Variants in MANF observed in about 807,000 individuals in gnomAD.
MANF encodes the protein mesencephalic astrocyte derived neurotrophic factor.
A neutral mutation model predicts 19.1 loss-of-function variants in MANF; 9 were observed. That is an observed-to-expected ratio of 0.47 (90% CI 0.28 to 0.82). The LOEUF (loss-of-function observed/expected upper bound fraction) is 0.82, where lower values mean the gene tolerates loss of function less well. Ranked by LOEUF, MANF falls within the 40% of genes least tolerant of loss-of-function variation. The pLI, the probability that MANF is intolerant of heterozygous loss-of-function variation, is 0.10. For missense variants in MANF, 225 were observed against 226.7 expected (o/e 0.99, Z 0.05); for synonymous variants, 89 against 88.0 (o/e 1.01, Z -0.06).
At position 51,386,304 on chromosome 3, in the gene MANF, G is replaced by A; in HGVS notation, c.191G>A (p.Cys64Tyr). 1.2e-6 allele frequency: 2 copies of A among 1,613,924 alleles called. No homozygotes were observed. The highest frequency in any genetic ancestry group is 8.5e-7 in the Non-Finnish European group (1 of 1,179,870). ...ATTGAAAACGAACTTATAAAGTTCT[G>A]CCGGGAAGCAAGAGGCAAAGAGAAT... ...ATIENELIKF[C>Y]REARGKENRL... is the part of the protein sequence containing the mutation. Residue 64 changes from cysteine to tyrosine, a missense_variant, in exon 2 of 4, where the codon TGC (cysteine) becomes TAC (tyrosine). By Grantham distance (194) the Cys-to-Tyr change is radical. Transcript: ENST00000528157.
At chr3:51,387,181 G>A (rs943583356) in intron 2 of MANF, 7 of 322,756 alleles carry the variant, frequency 2.2e-5, no homozygotes, top group Non-Finnish European at 4.3e-5. Context: ...TAGGCTAGGC[G>A]TGGTGGCTCA....
At position 51,389,248 on chromosome 3, in the gene MANF, C is replaced by G; in HGVS notation, c.*159C>G. ...TGATGATGCTGGCCCTACAGTACCC[C>G]CATGAGGGGATTCCCTTCCTTCTGT... On this transcript the variant is annotated 3_prime_UTR_variant, in exon 4 of 4. Transcript: ENST00000528157. 1.7e-6 allele frequency: 1 copy of G among 595,850 alleles called. No homozygotes were observed. Among genetic ancestry groups the G allele is most frequent in the Non-Finnish European group, 2.8e-6 (1 of 351,282 alleles). The allele number at this position is 595,850 out of a possible 1,614,324, so 36.9% of individuals were successfully genotyped here. A position where few individuals can be genotyped will look rare whatever the true frequency, so the allele number is the denominator to read the frequency against.
In MANF at chr3:51,385,325, AGG is replaced by A; in HGVS notation, c.-17_-16del. The A allele has an allele frequency of 8.3e-7, 1 of 1,207,330 alleles. No homozygotes were observed. Among genetic ancestry groups the A allele is most frequent in the Non-Finnish European group, 1.0e-6 (1 of 963,694 alleles). 74.8% of individuals were successfully genotyped at this position (1,207,330 alleles called of 1,614,324 possible). A position where few individuals can be genotyped will look rare whatever the true frequency, so the allele number is the denominator to read the frequency against. On this transcript the variant is annotated 5_prime_UTR_variant, in exon 1 of 4. Transcript: ENST00000528157. Reference sequence around the variant, plus strand: ...GCGGCGGCAGCGGAGGAGGAGGAGGAGGAGGAGGATGAGGAGGATGAGGAGGA... The same window carrying A: ...GCGGCGGCAGCGGAGGAGGAGGAGGAAGGAGGATGAGGAGGATGAGGAGGA...
Position 51,389,285 on chromosome 3 carries a change from T to G in MANF, c.*196T>G. ...TCCCTTCCTTCTGTTGCTGGTGTAC[T>G]CTAGGACTTCAAAGTGTGTCTGGGA... On this transcript the variant is annotated 3_prime_UTR_variant, in exon 4 of 4. Transcript: ENST00000528157. 1.9e-6 allele frequency: 1 copy of G among 512,966 alleles called. No individual in the cohort carries two copies. The allele number at this position is 512,966 out of a possible 1,614,324, so 31.8% of individuals were successfully genotyped here. A position where few individuals can be genotyped will look rare whatever the true frequency, so the allele number is the denominator to read the frequency against.
chr3:51,386,635 A>T (rs1289104070), intron 2 of MANF, among the ~76,000 whole-genome samples: 1 of 152,234 alleles, frequency 6.6e-6, no homozygotes, highest in Non-Finnish European at 1.5e-5. Flanking sequence ...TCTGGGTGTC[A>T]TGAAGAAAAT....
At chr3:51,385,661 G>A (rs1553620777) in intron 1 of MANF, 1 of 374,104 alleles carries the variant, frequency 2.7e-6, no homozygotes, top group African/African-American at 2.1e-5. Context: ...GTTGAGACTA[G>A]ATCCCGTTGA....
At chr3:51,386,442 C>A in intron 2 of MANF, 107 bp downstream of exon 2, 1 of 1,226,620 alleles carries the variant, frequency 8.2e-7, no homozygotes, top group Non-Finnish European at 1.2e-6. Context: ...AGGAAGCCAG[C>A]TACTCTCTCC....
chr3:51,386,108 C>T, intron 1 of MANF, 100 bp from the exon 2 acceptor site: 1 of 1,278,378 alleles, frequency 7.8e-7, no homozygotes, highest in Non-Finnish European at 1.1e-6. Context: ...TCTAATGATT[C>T]ATCTCCGTGT....
chr3:51,386,980 G>C (rs2088968419), intron 2 of MANF: 5 of 456,538 alleles, frequency 1.1e-5, no homozygotes, highest in South Asian at 6.2e-5. Flanking sequence ...TAAGAGTCCA[G>C]GGTTTACACT....
In MANF at chr3:51,386,243, C is replaced by G. The variant is rs782545417; in HGVS notation, c.130C>G (p.Leu44Val). The change falls in exon 2 of 4, where the codon CTC becomes GTC. Residue 44 changes from leucine to valine, a missense_variant. Transcript: ENST00000528157. ...ISYLGRFYQDLKDRDVTFSPA... is the reference protein window; with the variant it reads ...ISYLGRFYQDVKDRDVTFSPA... ...TTATCTGGGAAGATTTTACCAGGAC[C>G]TCAAAGACAGAGATGTCACATTCTC... The G allele has an allele frequency of 6.2e-7, 1 of 1,613,724 alleles. No individual in the cohort carries two copies. The highest frequency in any genetic ancestry group is 2.2e-5 in the East Asian group (1 of 44,886).
intron 2 of MANF, among the ~76,000 whole-genome samples, chr3:51,387,336 A>C (rs1577016680): frequency 1.3e-5 from 2 of 152,276 alleles, no homozygotes; most frequent in East Asian, 3.9e-4. Context: ...GGCGCCTGTA[A>C]TCCCAGCTGC....
intron 2 of MANF, chr3:51,386,842 CT>C (rs1215233903): frequency 2.2e-6 from 1 of 456,730 alleles, no homozygotes; most frequent in Admixed American, 2.3e-5. Flanking sequence ...GACAAAAGCC[CT>C]AGTGAAGCAA....
At position 51,388,894 on chromosome 3, in the gene MANF, C is replaced by G. The variant is rs782003631; in HGVS notation, c.365-11C>G. On this transcript the variant is annotated splice_polypyrimidine_tract_variant and intron_variant, in intron 3 of 3. Transcript: ENST00000528157. Reference sequence around the variant, plus strand: ...CACCCAGTCAGTGACTCTCCCTGCTCTCTCCTCCAGACAAGCAGATCGACC... The same window carrying G: ...CACCCAGTCAGTGACTCTCCCTGCTGTCTCCTCCAGACAAGCAGATCGACC... 6.4e-6 allele frequency: 10 copies of G among 1,553,934 alleles called. No individual in the cohort carries two copies. Among genetic ancestry groups the G allele is most frequent in the Admixed American group, 2.0e-5 (1 of 50,896 alleles).
rs1553620677 is a variant in MANF at position 51,385,341 on chromosome 3, G to T, written c.-2G>T. On this transcript the variant is annotated 5_prime_UTR_variant, in exon 1 of 4. In the 5' UTR this introduces an upstream ATG that the reference lacks. Transcript: ENST00000528157. ...AGGAGGAGGAGGAGGAGGATGAGGA[G>T]GATGAGGAGGATGTGGGCCACGCAG... 2.4e-6 allele frequency: 3 copies of T among 1,234,426 alleles called. No individual in the cohort carries two copies. The highest frequency in any genetic ancestry group is 1.0e-6 in the Non-Finnish European group (1 of 985,376). The allele number at this position is 1,234,426 out of a possible 1,614,324, so 76.5% of individuals were successfully genotyped here.
rs2088931689 is a variant in MANF, at chr3:51,385,338, G to GGAGGAGGAT, written c.1_2insGGATGAGGA. On this transcript the variant is annotated 5_prime_UTR_variant, in exon 1 of 4. In the 5' UTR this introduces an upstream ATG that the reference lacks. Transcript: ENST00000528157. ...AGGAGGAGGAGGAGGAGGAGGATGA[G>GGAGGAGGAT]GAGGATGAGGAGGATGTGGGCCACG... 2 of 1,231,766 alleles carry GGAGGAGGAT rather than the reference G, an allele frequency of 1.6e-6. No homozygotes were observed. Among genetic ancestry groups the GGAGGAGGAT allele is most frequent in the Non-Finnish European group, 2.0e-6 (2 of 983,318 alleles). The allele number at this position is 1,231,766 out of a possible 1,614,324, so 76.3% of individuals were successfully genotyped here.
chr3:51,387,980 A>G, intron 3 of MANF, 102 bp downstream of exon 3: 8 of 1,171,220 alleles, frequency 6.8e-6, no homozygotes, highest in East Asian at 2.5e-5. Flanking sequence ...AGTGGGTTGT[A>G]TTGTATGACA....
chr3:51,387,478 TGTTTTA>T (rs1481826051), intron 2 of MANF, among the ~76,000 whole-genome samples: 1 of 149,318 alleles, frequency 6.7e-6, no homozygotes, highest in African/African-American at 2.5e-5. Flanking sequence ...AAAAAAAAAT[TGTTTTA>T]GTTAGCTGGG....
Position 51,386,194 on chromosome 3 carries a change from CCT to C in MANF, c.95-9_95-8del. 2 of 1,612,664 alleles carry C rather than the reference CCT, an allele frequency of 1.2e-6. No individual in the cohort carries two copies. Among genetic ancestry groups the C allele is most frequent in the Admixed American group, 1.7e-5 (1 of 59,870 alleles). On this transcript the variant is annotated splice_polypyrimidine_tract_variant and intron_variant, in intron 1 of 3. Coordinates refer to ENST00000528157, the MANE Select transcript of MANF (RefSeq NM_006010.6). ...TGGTGATTGCTGAGCATCTCCCGTC[CCT>C]CTCTTTTCCAGTTTGTATTTCTTAT...
chr3:51,388,849 C>A, intron 3 of MANF, 56 bp from the exon 4 acceptor site: 1 of 1,355,538 alleles, frequency 7.4e-7, no homozygotes, highest in Non-Finnish European at 1.0e-6. Context: ...TCTGGGACTA[C>A]TGGGGGACTG....
Sources: gnomAD v4.1 joint callset for allele counts (sites outside exome capture counted in the v4.1 genomes callset) on GRCh38, gnomAD v4.1.1 for gene constraint, MANE v1.5 for transcripts, NCBI Gene and HGNC (gene_info 2026-07-23, HGNC 2026-07-21) for gene names.